Variants in SGK1 observed in about 807,000 individuals in gnomAD.
SGK1 encodes serine/threonine-protein kinase Sgk1.
SGK1 carries 26 observed loss-of-function variants against 64.2 expected under a neutral mutation model. The ratio of observed to expected loss-of-function variants is 0.40; its 90% CI spans 0.30 to 0.56. The LOEUF (loss-of-function observed/expected upper bound fraction) is 0.56, where lower values mean the gene tolerates loss of function less well. Among genes scored for constraint, SGK1 ranks in the 20% least tolerant of loss-of-function variants. The pLI, the probability that SGK1 is intolerant of heterozygous loss-of-function variation, is 0.38. For missense variants in SGK1, 519 were observed against 645.6 expected (o/e 0.80, Z 2.12); for synonymous variants, 265 against 239.7 (o/e 1.11, Z -0.98).
chr6:134,209,373 G>A (rs189139214), intron 2 of SGK1, among the ~76,000 whole-genome samples: 2 of 152,124 alleles, frequency 1.3e-5, no homozygotes, highest in African/African-American at 2.4e-5. Flanking sequence ...GGCAGAGGCC[G>A]CAGTGAGCTG....
At chr6:134,215,236 C>T (rs1023437408) in intron 2 of SGK1, 1 of 381,148 alleles carries the variant, frequency 2.6e-6, no homozygotes, top group Non-Finnish European at 5.1e-6. Flanking sequence ...GTGCCTCAGC[C>T]TCCTGAGTAG....
At chr6:134,261,837 A>G in intron 2 of SGK1, 96 bp downstream of exon 2, 1 of 882,752 alleles carries the variant, frequency 1.1e-6, no homozygotes, top group Non-Finnish European at 1.9e-6. Context: ...TATGCATTAA[A>G]AAATTATTTT....
At chr6:134,227,554 T>C (rs1224626054) in intron 2 of SGK1, among the ~76,000 whole-genome samples, 1 of 152,346 alleles carries the variant, frequency 6.6e-6, no homozygotes, top group African/African-American at 2.4e-5. Context: ...AAGGCAGATA[T>C]ACAAACTGAA....
At chr6:134,262,257 C>T (rs1485920525) in intron 1 of SGK1, 109 bp from the exon 2 acceptor site, 3 of 721,958 alleles carry the variant, frequency 4.2e-6, no homozygotes, top group Non-Finnish European at 7.0e-6. Flanking sequence ...AAGGAGAACT[C>T]GGTCTCACAA....
At chr6:134,257,798 T>C (rs1248691012) in intron 2 of SGK1, among the ~76,000 whole-genome samples, 2 of 152,190 alleles carry the variant, frequency 1.3e-5, no homozygotes, top group Non-Finnish European at 2.9e-5. Context: ...AAAAGAGTTT[T>C]TAAAATACAA....
chr6:134,187,069 G>C (rs551374320), intron 3 of SGK1, among the ~76,000 whole-genome samples: 8 of 152,206 alleles, frequency 5.3e-5, no homozygotes, highest in African/African-American at 1.9e-4. Flanking sequence ...GCTCGCCTCG[G>C]CCTCCCAAAG....
At chr6:134,192,206 C>T (rs1222265810) in intron 3 of SGK1, among the ~76,000 whole-genome samples, 1 of 151,782 alleles carries the variant, frequency 6.6e-6, no homozygotes, top group Non-Finnish European at 1.5e-5. Context: ...CTCAAGTGAT[C>T]CACCCGCCTC....
intron 1 of SGK1, among the ~76,000 whole-genome samples, chr6:134,287,209 T>C (rs1562275048): frequency 6.6e-6 from 1 of 152,210 alleles, no homozygotes; most frequent in Non-Finnish European, 1.5e-5. Context: ...TGACCTCAAA[T>C]GATCCACCTG....
intron 3 of SGK1, among the ~76,000 whole-genome samples, chr6:134,206,407 T>A (rs1361816868): frequency 6.2e-5 from 8 of 128,986 alleles, no homozygotes; most frequent in African/African-American, 2.1e-4. Flanking sequence ...TTTTTTTTTT[T>A]AAATGACAGG....
chr6:134,175,507 G>T, intron 3 of SGK1: 1 of 1,440,556 alleles, frequency 6.9e-7, no homozygotes, highest in South Asian at 1.4e-5. Context: ...CTGGGGAAGT[G>T]AGCCAAGCCC....
rs937453522 is a variant in SGK1, at chr6:134,296,659, G to T, written c.69+20733C>A. On this transcript the variant is annotated intron_variant, in intron 1 of 13. Transcript: ENST00000367858. ...ATTAAGTGTTTTGGAAATGCTACTT[G>T]TTCATTATAATCAATCAGTAAAGGA... is the stretch of plus-strand genomic sequence containing the variant. Among the ~76,000 whole-genome samples, 3 of 147,504 alleles carry T rather than the reference G, an allele frequency of 2.0e-5. No individual in the cohort carries two copies. In the Admixed American group the frequency reaches 2.1e-4, roughly 10 times the overall value.
intron 1 of SGK1, among the ~76,000 whole-genome samples, chr6:134,263,268 CCT>C (rs1352810841): frequency 6.6e-6 from 1 of 152,122 alleles, no homozygotes; most frequent in Non-Finnish European, 1.5e-5. Context: ...ACAGGATCTT[CCT>C]CTGTCACCCA....
chr6:134,301,587 CCTTCT>C (rs1185034293), intron 1 of SGK1, among the ~76,000 whole-genome samples: 15 of 85,466 alleles, frequency 1.8e-4, no homozygotes, highest in Non-Finnish European at 3.3e-4. Context: ...TCTTCTCTTC[CCTTCT>C]CTTCTCTTTT....
intron 2 of SGK1, among the ~76,000 whole-genome samples, chr6:134,232,500 G>GA (rs1776306250): frequency 5.6e-5 from 7 of 124,558 alleles, no homozygotes; most frequent in Admixed American, 1.6e-4. Context: ...AAAAAGAAAA[G>GA]AAAGAAGAGG....
chr6:134,305,412 A>G (rs1777520881), intron 1 of SGK1, among the ~76,000 whole-genome samples: 1 of 151,654 alleles, frequency 6.6e-6, no homozygotes, highest in African/African-American at 2.4e-5. Flanking sequence ...GTTTCTACTA[A>G]AAATACAAAA....
At chr6:134,236,852 A>C (rs1438821290) in intron 2 of SGK1, among the ~76,000 whole-genome samples, 1 of 152,034 alleles carries the variant, frequency 6.6e-6, no homozygotes, top group Admixed American at 6.6e-5. Context: ...AAAAATCAAG[A>C]GGCTATGAAC....
chr6:134,190,379 G>A lies in SGK1; in HGVS notation c.362-15793C>T, dbSNP rs1329535449. On this transcript the variant is annotated intron_variant, in intron 3 of 13. Transcript: ENST00000367858. ...CGGCTCACTGCAAACTCCGCCTCCT[G>A]GGTTCAAGTGATTCTCCTGCCTCAG... 4.0e-5 allele frequency among the ~76,000 whole-genome samples: 6 copies of A among 150,882 alleles called. No homozygotes were observed. The East Asian group carries it at 1.2e-3, about 30-fold the overall frequency.
chr6:134,175,662 G>T (rs1457636493), intron 3 of SGK1: 7 of 1,500,144 alleles, frequency 4.7e-6, no homozygotes, highest in Non-Finnish European at 6.2e-6. Context: ...TCTCCCCCAT[G>T]GGCAGCGGGC....
At chr6:134,201,215 C>A (rs1775675737) in intron 3 of SGK1, among the ~76,000 whole-genome samples, 1 of 150,976 alleles carries the variant, frequency 6.6e-6, no homozygotes, top group South Asian at 2.1e-4. Flanking sequence ...TGCCCGTCAC[C>A]ATGCCCAGCT....
Sources: allele counts gnomAD v4.1 joint callset (sites outside exome capture counted in the v4.1 genomes callset), GRCh38; gene constraint gnomAD v4.1.1; transcripts MANE v1.5; gene names NCBI Gene and HGNC (gene_info 2026-07-23, HGNC 2026-07-21).